The following SLC24A2 variants were observed in gnomAD, a reference collection of about 807,000 sequenced individuals.
The protein encoded by SLC24A2 is sodium/potassium/calcium exchanger 2.
In SLC24A2, 36 loss-of-function variants were observed where a neutral mutation model predicts 62.0. The observed-to-expected ratio is 0.58, with a 90% confidence interval of 0.44 to 0.77. The LOEUF (loss-of-function observed/expected upper bound fraction) is 0.77. Ranked by LOEUF, SLC24A2 falls within the 30% of genes least tolerant of loss-of-function variation. The pLI is 0.00. For synonymous variants in SLC24A2, 358 were observed against 294.0 expected (o/e 1.22, Z -2.23); for missense variants, 846 against 817.9 (o/e 1.03, Z -0.42).
At chr9:19,995,566 T>G in the SLC24A2 span, among the ~76,000 whole-genome samples, 2 of 152,222 alleles carry the variant, frequency 1.3e-5, no homozygotes, top group African/African-American at 2.4e-5. Flanking sequence ...CAAGGAGAGG[T>G]TAAGAATGAT....
At chr9:19,834,370 A>G in the SLC24A2 span, among the ~76,000 whole-genome samples, 2 of 152,152 alleles carry the variant, frequency 1.3e-5, no homozygotes, top group East Asian at 1.9e-4. Flanking sequence ...CAATGCAGAG[A>G]AGTCCTTAAA....
At chr9:19,752,872 A>T (rs1437469751) in intron 2 of SLC24A2, among the ~76,000 whole-genome samples, 1 of 152,206 alleles carries the variant, frequency 6.6e-6, no homozygotes, top group Non-Finnish European at 1.5e-5. Context: ...TGGCCAAGCC[A>T]GATTCTGACC....
At chr9:19,666,360 T>G (rs1819253566) in intron 2 of SLC24A2, among the ~76,000 whole-genome samples, 1 of 152,176 alleles carries the variant, frequency 6.6e-6, no homozygotes, top group Non-Finnish European at 1.5e-5. Context: ...GAGTTGTGAT[T>G]GCACCACTGC....
chr9:20,286,628 G>T, the SLC24A2 span, among the ~76,000 whole-genome samples: 1 of 152,232 alleles, frequency 6.6e-6, no homozygotes, highest in African/African-American at 2.4e-5. Context: ...GAGGGAGAAG[G>T]AGAGAATGAC....
At chr9:20,100,135 T>C in the SLC24A2 span, among the ~76,000 whole-genome samples, 2 of 152,148 alleles carry the variant, frequency 1.3e-5, no homozygotes, top group Non-Finnish European at 2.9e-5. Flanking sequence ...TCAGCTTCCC[T>C]GCCATAGCTG....
At chr9:20,094,031 G>A in the SLC24A2 span, among the ~76,000 whole-genome samples, 1 of 152,046 alleles carries the variant, frequency 6.6e-6, no homozygotes, top group Non-Finnish European at 1.5e-5. Flanking sequence ...AGTCTATGAG[G>A]TCAAAACCAT....
At chr9:20,268,689 TATAA>T in the SLC24A2 span, among the ~76,000 whole-genome samples, 1 of 152,306 alleles carries the variant, frequency 6.6e-6, no homozygotes, top group African/African-American at 2.4e-5. Context: ...GGTATTCTGT[TATAA>T]GCAACAGAAA....
chr9:19,831,966 T>C, the SLC24A2 span, among the ~76,000 whole-genome samples: 14 of 152,368 alleles, frequency 9.2e-5, no homozygotes, highest in South Asian at 1.9e-3. Flanking sequence ...AAAGATAGCA[T>C]TGCTGATCCA....
chr9:19,529,149 C>A (rs1316642163), intron 8 of SLC24A2, among the ~76,000 whole-genome samples: 1 of 152,176 alleles, frequency 6.6e-6, no homozygotes, highest in African/African-American at 2.4e-5. Context: ...TGAAAGCTTT[C>A]CACGTTGAGA....
chr9:19,546,087 A>G (rs1834552710), intron 8 of SLC24A2, among the ~76,000 whole-genome samples: 1 of 152,178 alleles, frequency 6.6e-6, no homozygotes, highest in African/African-American at 2.4e-5. Flanking sequence ...TTTGTCTCAT[A>G]CGGGCACCTG....
chr9:20,288,012 G>A, the SLC24A2 span, among the ~76,000 whole-genome samples: 1 of 118,114 alleles, frequency 8.5e-6, no homozygotes. Flanking sequence ...TTTTTTGGTT[G>A]GGAGTGGGAA....
the SLC24A2 span, among the ~76,000 whole-genome samples, chr9:20,008,894 C>T: frequency 6.6e-6 from 1 of 152,264 alleles, no homozygotes; most frequent in Middle Eastern, 3.4e-3. Flanking sequence ...TCCGGCTTCA[C>T]TCTCCCCCAC....
the SLC24A2 span, among the ~76,000 whole-genome samples, chr9:19,882,893 T>C: frequency 6.6e-6 from 1 of 152,146 alleles, no homozygotes; most frequent in Admixed American, 6.5e-5. Flanking sequence ...CGATGCAGGA[T>C]TCCTTTTAGA....
the SLC24A2 span, among the ~76,000 whole-genome samples, chr9:20,019,828 A>G: frequency 6.6e-6 from 1 of 151,968 alleles, no homozygotes; most frequent in Non-Finnish European, 1.5e-5. Context: ...TCCATCTGAC[A>G]GAGGACTAAT....
At chr9:20,206,884 G>A in the SLC24A2 span, among the ~76,000 whole-genome samples, 1 of 149,202 alleles carries the variant, frequency 6.7e-6, no homozygotes, top group African/African-American at 2.5e-5. Context: ...ACTAAGTTGG[G>A]GGGGGCGGTT....
chr9:20,219,896 C>T, the SLC24A2 span, among the ~76,000 whole-genome samples: 3 of 152,068 alleles, frequency 2.0e-5, no homozygotes, highest in Admixed American at 6.6e-5. Context: ...TGATTAAGTG[C>T]TCTTCATATA....
At chr9:19,706,725 A>T (rs1037646138) in intron 2 of SLC24A2, among the ~76,000 whole-genome samples, 1 of 152,156 alleles carries the variant, frequency 6.6e-6, no homozygotes, top group African/African-American at 2.4e-5. Flanking sequence ...AAGACACAAC[A>T]TACCAGAACC....
chr9:20,040,088 T>A, the SLC24A2 span, among the ~76,000 whole-genome samples: 1 of 152,342 alleles, frequency 6.6e-6, no homozygotes, highest in South Asian at 2.1e-4. Context: ...AACATGTACA[T>A]GGCACAGTTC....
chr9:20,016,476 T>C, the SLC24A2 span, among the ~76,000 whole-genome samples: 1 of 152,222 alleles, frequency 6.6e-6, no homozygotes. Context: ...GTTTTGCTTA[T>C]GATTTATGTT....
Sources: allele counts gnomAD v4.1 joint callset (sites outside exome capture counted in the v4.1 genomes callset), GRCh38; gene constraint gnomAD v4.1.1; transcripts MANE v1.5; gene names NCBI Gene and HGNC (gene_info 2026-07-23, HGNC 2026-07-21).